The following CSE1L variants were observed in gnomAD, a reference collection of about 807,000 sequenced individuals.
CSE1L encodes the protein chromosome segregation 1 like.
In CSE1L, 24 loss-of-function variants were observed where a neutral mutation model predicts 120.4. The observed-to-expected ratio is 0.20, with a 90% CI of 0.14 to 0.28. The LOEUF is 0.28. CSE1L is among the 10% of genes least tolerant of loss of function. The pLI, the probability that CSE1L is intolerant of heterozygous loss-of-function variation, is 1.00. For missense variants in CSE1L, 830 were observed against 1,145.2 expected, an observed-to-expected ratio of 0.72 and a Z score of 3.97; for synonymous variants, 402 against 398.3, an observed-to-expected ratio of 1.01 and a Z score of -0.11.
At chr20:49,070,001 T>G (rs2091920332) in intron 7 of CSE1L, among the ~76,000 whole-genome samples, 6 of 152,176 alleles carry the variant, frequency 3.9e-5, no homozygotes, top group Admixed American at 3.9e-4. Context: ...GTGGCATCAT[T>G]TATAGCATAC....
At chr20:49,087,473 T>C (rs1379133416) in intron 16 of CSE1L, among the ~76,000 whole-genome samples, 1 of 150,530 alleles carries the variant, frequency 6.6e-6, no homozygotes. Context: ...TTCTCAAGCC[T>C]CAGCCTCCCG....
chr20:49,057,506 T>C (rs1365312940), intron 1 of CSE1L, among the ~76,000 whole-genome samples: 1 of 147,024 alleles, frequency 6.8e-6, no homozygotes, highest in Admixed American at 7.0e-5. Flanking sequence ...CAAGTTGGAG[T>C]GCAGTGGCAC....
At chr20:49,095,058 G>C in intron 24 of CSE1L, 95 bp downstream of exon 24, 1 of 961,496 alleles carries the variant, frequency 1.0e-6, no homozygotes, top group Non-Finnish European at 1.6e-6. Context: ...TCATTGGTGG[G>C]CGTAATAAAA....
chr20:49,057,917 C>T (rs1461906714), intron 1 of CSE1L, among the ~76,000 whole-genome samples: 1 of 152,142 alleles, frequency 6.6e-6, no homozygotes, highest in African/African-American at 2.4e-5. Flanking sequence ...CAGGCATGAG[C>T]CACCATGCCC....
Position 49,089,520 on chromosome 20 carries a change from TTTTAC to T in CSE1L, c.1973-14_1973-10del. On this transcript the variant is annotated splice_polypyrimidine_tract_variant and intron_variant, in intron 18 of 24. Coordinates refer to ENST00000262982, the MANE Select transcript of CSE1L (RefSeq NM_001316.4). The stretch of plus-strand genomic sequence containing the variant: ...TTCCTTCTGAAGCTCACAGCTCTGT[TTTTAC>T]TTTTATCAACAGAATTTATTCCATA... 1 of 1,613,540 alleles carries T rather than the reference TTTTAC, an allele frequency of 6.2e-7. No individual in the cohort carries two copies. The highest frequency in any genetic ancestry group is 8.5e-7 in the Non-Finnish European group (1 of 1,179,508).
chr20:49,075,472 A>G lies in CSE1L; in HGVS notation c.1287A>G (p.Ala429=), dbSNP rs992173038. 4 of 1,614,038 alleles carry G rather than the reference A, an allele frequency of 2.5e-6. No individual in the cohort carries two copies. Among genetic ancestry groups the G allele is most frequent in the South Asian group, 2.2e-5 (2 of 91,080 alleles). The part of the protein sequence containing the change: ...NPSVNWKHKD[A]AIYLVTSLAS... Reference sequence around the variant, plus strand: ...CTGTCAACTGGAAACACAAAGATGCAGCCATCTACCTAGTGACATCTTTGG... The same window carrying G: ...CTGTCAACTGGAAACACAAAGATGCGGCCATCTACCTAGTGACATCTTTGG... Residue 429 remains alanine, a synonymous_variant, in exon 12 of 25, where the codon GCA becomes GCG. Coordinates refer to ENST00000262982, the MANE Select transcript of CSE1L (RefSeq NM_001316.4).
intron 6 of CSE1L, among the ~76,000 whole-genome samples, chr20:49,067,925 TCTC>T (rs1209457386): frequency 1.0e-5 from 1 of 99,972 alleles, no homozygotes; most frequent in Non-Finnish European, 2.0e-5. Flanking sequence ...TTTTTCCCTC[TCTC>T]TTTTTTTTTT....
In CSE1L at chr20:49,070,279, T is replaced by C; in HGVS notation, c.750T>C (p.Asn250=). Residue 250 remains asparagine (N), a synonymous_variant, in exon 8 of 25, where the codon AAT becomes AAC. Coordinates refer to ENST00000262982, the MANE Select transcript of CSE1L (RefSeq NM_001316.4). The part of the protein sequence containing the change: ...NNFHTLLTLD[N]KLLQTDDEEE... ...TTCATACTCTCTTAACATTGGATAA[T>C]AAGCTTTTACAAACTGATGTAAGTA... The C allele has an allele frequency of 7.1e-7, 1 of 1,415,598 alleles. No individual in the cohort carries two copies. Among genetic ancestry groups the C allele is most frequent in the Non-Finnish European group, 9.8e-7 (1 of 1,022,508 alleles). 87.7% of individuals were successfully genotyped at this position (1,415,598 alleles called of 1,614,324 possible). A position where few individuals can be genotyped will look rare whatever the true frequency, so the allele number is the denominator to read the frequency against.
At chr20:49,090,103 C>A (rs1308384472) in intron 19 of CSE1L, among the ~76,000 whole-genome samples, 1 of 151,870 alleles carries the variant, frequency 6.6e-6, no homozygotes, top group African/African-American at 2.4e-5. Flanking sequence ...CCATCCTGGG[C>A]AACAGAGCTA....
intron 10 of CSE1L, 66 bp from the exon 11 acceptor site, chr20:49,074,719 A>G: frequency 7.3e-7 from 1 of 1,364,822 alleles, no homozygotes; most frequent in South Asian, 1.3e-5. Context: ...ACTCTTCTGC[A>G]TTCTCAGCTG....
intron 16 of CSE1L, among the ~76,000 whole-genome samples, chr20:49,086,368 T>C (rs1199511273): frequency 1.4e-5 from 2 of 141,814 alleles, no homozygotes; most frequent in African/African-American, 5.4e-5. Context: ...CCTTTTTTTT[T>C]TTTTTTTTTT....
chr20:49,095,613 A>G (rs1388821457), intron 24 of CSE1L, among the ~76,000 whole-genome samples: 4 of 151,142 alleles, frequency 2.6e-5, no homozygotes, highest in Non-Finnish European at 4.4e-5. Context: ...GGACACAGTT[A>G]TTTTTTTTTA....
intron 15 of CSE1L, among the ~76,000 whole-genome samples, 166 bp downstream of exon 15, chr20:49,084,328 A>G (rs2092037050): frequency 6.6e-6 from 1 of 152,210 alleles, no homozygotes; most frequent in Admixed American, 6.6e-5. Flanking sequence ...GCTTACTAAA[A>G]TAGGTGCATT....
chr20:49,060,258 C>T (rs990888664), intron 2 of CSE1L, among the ~76,000 whole-genome samples: 18 of 150,664 alleles, frequency 1.2e-4, no homozygotes, highest in African/African-American at 3.9e-4. Flanking sequence ...CCAAGGCAGG[C>T]GGATCATGAG....
In CSE1L at chr20:49,089,598, T is replaced by A; in HGVS notation, c.2033T>A (p.Ile678Asn). 6.2e-7 allele frequency: 1 copy of A among 1,614,182 alleles called. No individual in the cohort carries two copies. Among genetic ancestry groups the A allele is most frequent in the Non-Finnish European group, 8.5e-7 (1 of 1,180,030 alleles). The change falls in exon 19 of 25, where the codon ATC (isoleucine) becomes AAC (asparagine). Residue 678 changes from isoleucine to asparagine, a missense_variant. Physicochemically the swap from Ile to Asn is moderately radical, Grantham distance 149. This residue lies in a region of CSE1L where 168 missense variants were observed against 267.9 expected (regional missense o/e 0.63). Transcript: ENST00000262982. The part of the protein sequence containing the change: ...SLLLETHKND[I>N]PSSYMALFPH... ...CTTCTGGAAACACACAAAAATGACA[T>A]CCCGTCTTCCTATATGGCCTTATTT...
At chr20:49,067,412 C>A in intron 6 of CSE1L, 132 bp downstream of exon 6, 2 of 557,122 alleles carry the variant, frequency 3.6e-6, no homozygotes, top group South Asian at 3.4e-5. Flanking sequence ...TGAAAAATTT[C>A]AAACCTACAC....
At chr20:49,096,312 T>G in intron 24 of CSE1L, 37 bp from the exon 25 acceptor site, 1 of 1,526,272 alleles carries the variant, frequency 6.6e-7, no homozygotes, top group Non-Finnish European at 9.1e-7. Context: ...CGCACCAAGA[T>G]CTCCAACAGC....
At position 49,082,811 on chromosome 20, in the gene CSE1L, G is replaced by A. The variant is rs576279209; in HGVS notation, c.1483-1215G>A. On this transcript the variant is annotated intron_variant, in intron 14 of 24. Coordinates refer to ENST00000262982, the MANE Select transcript of CSE1L (RefSeq NM_001316.4). Reference sequence around the variant, plus strand: ...GCTGGGATTACAGGCATGAGCCACCGTGCCTGGCCTTTTCTGTTTTATTTT... The same window carrying A: ...GCTGGGATTACAGGCATGAGCCACCATGCCTGGCCTTTTCTGTTTTATTTT... Among the ~76,000 whole-genome samples, 24 of 151,492 alleles carry A rather than the reference G, an allele frequency of 1.6e-4. No individual in the cohort carries two copies. In the South Asian group the frequency reaches 4.8e-3, roughly 30 times the overall value.
intron 13 of CSE1L, 63 bp downstream of exon 13, chr20:49,077,127 G>A (rs2091974704): frequency 1.2e-6 from 1 of 851,506 alleles, no homozygotes; most frequent in East Asian, 2.7e-5. Flanking sequence ...TCAAAAAACA[G>A]CTTCCTATCC....
Sources: gnomAD v4.1 joint callset for allele counts (sites outside exome capture counted in the v4.1 genomes callset) on GRCh38, gnomAD v4.1.1 for gene constraint, gnomAD v4.1.1 regional missense constraint, MANE v1.5 for transcripts, NCBI Gene and HGNC (gene_info 2026-07-23, HGNC 2026-07-21) for gene names.